The following NAPA variants were observed in gnomAD, a reference collection of about 807,000 sequenced individuals.
The protein encoded by NAPA is NSF attachment protein alpha.
In NAPA, 18 loss-of-function variants were observed where a neutral mutation model predicts 48.0. The observed-to-expected ratio is 0.38, with a 90% CI of 0.26 to 0.56. The LOEUF (loss-of-function observed/expected upper bound fraction) is 0.56. Ranked by LOEUF, NAPA falls within the 20% of genes least tolerant of loss-of-function variation. The pLI is 0.77. For missense variants in NAPA, 315 were observed against 385.0 expected, an observed-to-expected ratio of 0.82 and a Z score of 1.52; for synonymous variants, 152 against 149.9, an observed-to-expected ratio of 1.01 and a Z score of -0.10.
chr19:47,497,960 C>T (rs548383671), intron 3 of NAPA, among the ~76,000 whole-genome samples: 62 of 152,318 alleles, frequency 4.1e-4, no homozygotes, highest in African/African-American at 1.5e-3. Context: ...GAAGAGGCCT[C>T]GCTGGCCCGA....
intron 1 of NAPA, among the ~76,000 whole-genome samples, chr19:47,513,623 T>C (rs1472323468): frequency 6.6e-6 from 1 of 152,032 alleles, no homozygotes; most frequent in Non-Finnish European, 1.5e-5. Context: ...GTTAGTTCTG[T>C]CTCCCAGGCC....
chr19:47,491,013 G>A, intron 8 of NAPA, 157 bp from the exon 9 acceptor site: 1 of 588,346 alleles, frequency 1.7e-6, no homozygotes, highest in South Asian at 2.0e-5. Flanking sequence ...GTGTCTGTCA[G>A]TACCTTCCCG....
chr19:47,504,421 GAGAA>G lies in NAPA; in HGVS notation c.99-923_99-920del, dbSNP rs1437490208. Among the ~76,000 whole-genome samples, 95 of 116,110 alleles carry G rather than the reference GAGAA, an allele frequency of 8.2e-4. No homozygotes were observed. The East Asian group carries it at 0.012, about 14-fold the overall frequency. 76.2% of individuals were successfully genotyped at this position (116,110 alleles called of 152,430 possible). A position where few individuals can be genotyped will look rare whatever the true frequency, so the allele number is the denominator to read the frequency against. On this transcript the variant is annotated intron_variant, in intron 1 of 10. Coordinates refer to ENST00000263354, the MANE Select transcript of NAPA (RefSeq NM_003827.4). The stretch of plus-strand genomic sequence containing the variant: ...TCAAAAAAAAAAAAAAAAAAAAAAA[GAGAA>G]AGAGAGTGAAAATAATAGAAACATA...
chr19:47,508,619 G>A (rs1353945397), intron 1 of NAPA, among the ~76,000 whole-genome samples: 2 of 152,116 alleles, frequency 1.3e-5, no homozygotes, highest in East Asian at 1.9e-4. Flanking sequence ...GCTGAAGTCC[G>A]TTTCAGGTAC....
chr19:47,490,466 GTA>G (rs1968226765), intron 9 of NAPA, among the ~76,000 whole-genome samples: 1 of 4,780 alleles, frequency 2.1e-4, no homozygotes. Flanking sequence ...TGTGTGTAGT[GTA>G]TGTTTGGTGT....
At chr19:47,502,237 C>CAAAAAAA (rs55762206) in intron 2 of NAPA, among the ~76,000 whole-genome samples, 2 of 62,462 alleles carry the variant, frequency 3.2e-5, no homozygotes, top group African/African-American at 7.1e-5. Flanking sequence ...AAGACTGTCT[C>CAAAAAAA]AAAAAAAAAA....
intron 1 of NAPA, among the ~76,000 whole-genome samples, chr19:47,511,924 A>G (rs1429166547): frequency 6.6e-6 from 1 of 152,172 alleles, no homozygotes; most frequent in Non-Finnish European, 1.5e-5. Flanking sequence ...GAAGGCAAAC[A>G]GGAGCTCGCC....
intron 1 of NAPA, among the ~76,000 whole-genome samples, chr19:47,509,521 G>A (rs7256867): frequency 0.14 from 21,841 of 152,046 alleles, 1,676 homozygotes; most frequent in East Asian, 0.22. Context: ...ACCCCACGGC[G>A]TGCCCAGCAG....
Position 47,492,063 on chromosome 19 carries a change from G to A in NAPA, c.618C>T (p.Phe206=), listed in dbSNP as rs775392241. ...AGAAGTGGCAGAGGGCCGCCTTGAA[G>A]AAGTAGTCTTTGGCGCTGTACTTGA... ...PLLKYSAKDY[F]FKAALCHFCI... The change falls in exon 8 of 11, where the codon TTC becomes TTT. Residue 206 remains phenylalanine (F), a synonymous_variant. Transcript: ENST00000263354. 11 of 1,614,194 alleles carry A rather than the reference G, an allele frequency of 6.8e-6. No individual in the cohort carries two copies. The Admixed American group carries it at 1.3e-4, about 20-fold the overall frequency.
At chr19:47,510,673 G>C (rs1968788713) in intron 1 of NAPA, among the ~76,000 whole-genome samples, 1 of 152,168 alleles carries the variant, frequency 6.6e-6, no homozygotes, top group African/African-American at 2.4e-5. Context: ...AAAGCCCCAG[G>C]GAACAGAGCC....
At chr19:47,514,767 T>TA (rs1291947679) in intron 1 of NAPA, 76 bp downstream of exon 1, 1 of 1,449,002 alleles carries the variant, frequency 6.9e-7, no homozygotes, top group Non-Finnish European at 9.6e-7. Context: ...CTGCGTGCCC[T>TA]AACCCGCCAC....
intron 2 of NAPA, among the ~76,000 whole-genome samples, chr19:47,501,197 C>T (rs1968568655): frequency 6.6e-6 from 1 of 152,248 alleles, no homozygotes; most frequent in South Asian, 2.1e-4. Context: ...CTGCACCTCC[C>T]GGCCTGGGCA....
Position 47,506,282 on chromosome 19 carries a change from G to C in NAPA, c.99-2780C>G, listed in dbSNP as rs1411354791. On this transcript the variant is annotated intron_variant, in intron 1 of 10. Transcript: ENST00000263354. This position sits in a 1 kb window ranked among gnomAD's most constrained non-coding sequence, Gnocchi z 4.0. ...CAAAGTGCTGGGATTACAGGCATGA[G>C]CCACCGTGCCCAGCCTGGAATGACT... 6.6e-6 allele frequency among the ~76,000 whole-genome samples: 1 copy of C among 152,118 alleles called. No individual in the cohort carries two copies. Among genetic ancestry groups the C allele is most frequent in the Non-Finnish European group, 1.5e-5 (1 of 68,020 alleles).
In NAPA at chr19:47,490,850, C is replaced by T; in HGVS notation, c.673G>A (p.Val225Ile). 5 of 1,613,430 alleles carry T rather than the reference C, an allele frequency of 3.1e-6. No individual in the cohort carries two copies. The highest frequency in any genetic ancestry group is 3.4e-6 in the Non-Finnish European group (4 of 1,179,668). ...GGGAACAGCTCCTCATACTTTTGGA[C>T]AGCCAGCTGGGCAGCAGGGAAGGGA... is the stretch of plus-strand genomic sequence containing the variant. Reference protein sequence around the residue: ...CIDMLNAKLAVQKYEELFPAF... With the variant: ...CIDMLNAKLAIQKYEELFPAF... The change falls in exon 9 of 11, where the codon GTC (valine) becomes ATC (isoleucine). Residue 225 changes from valine to isoleucine, a missense_variant. Physicochemically the swap from Val to Ile is conservative, Grantham distance 29. Coordinates refer to ENST00000263354, the MANE Select transcript of NAPA (RefSeq NM_003827.4).
intron 10 of NAPA, 109 bp from the exon 11 acceptor site, chr19:47,488,498 C>T: frequency 1.2e-6 from 1 of 815,174 alleles, no homozygotes. Context: ...CACCCCTGGT[C>T]TCTGAGGAGG....
chr19:47,490,678 A>AACAAAACAAG, intron 9 of NAPA, 110 bp downstream of exon 9: 1 of 903,266 alleles, frequency 1.1e-6, no homozygotes, highest in Non-Finnish European at 1.7e-6. Context: ...AACAAAACAA[A>AACAAAACAAG]GACACCCTCT....
At position 47,488,262 on chromosome 19, in the gene NAPA, A is replaced by T. The variant is rs762095437; in HGVS notation, c.*26T>A. The stretch of plus-strand genomic sequence containing the variant: ...CTCTCTGAGCAGATGGGACAGGAAG[A>T]CGGGCACTGGGGGGCTGGGTGGGGC... On this transcript the variant is annotated 3_prime_UTR_variant, in exon 11 of 11. Coordinates refer to ENST00000263354, the MANE Select transcript of NAPA (RefSeq NM_003827.4). The T allele has an allele frequency of 1.3e-6, 2 of 1,587,138 alleles. No homozygotes were observed. Among genetic ancestry groups the T allele is most frequent in the South Asian group, 2.2e-5 (2 of 90,188 alleles).
intron 4 of NAPA, 51 bp downstream of exon 4, chr19:47,495,498 TG>T: frequency 6.4e-7 from 1 of 1,570,522 alleles, no homozygotes; most frequent in South Asian, 1.1e-5. Context: ...GACGCAAGGC[TG>T]GGGCAATGCA....
chr19:47,487,464 A>G (rs182587851), downstream of NAPA, among the ~76,000 whole-genome samples: 1 of 152,150 alleles, frequency 6.6e-6, no homozygotes, highest in Non-Finnish European at 1.5e-5. Context: ...CCCCAGGCCC[A>G]CCGTCCCTGG....
Sources: gnomAD v4.1 joint callset for allele counts (sites outside exome capture counted in the v4.1 genomes callset) on GRCh38, gnomAD v4.1.1 for gene constraint, Gnocchi (gnomAD v3.1) non-coding constraint, MANE v1.5 for transcripts, NCBI Gene and HGNC (gene_info 2026-07-23, HGNC 2026-07-21) for gene names.